The following FBXW4 variants were observed in gnomAD, a reference collection of about 807,000 sequenced individuals.
The protein encoded by FBXW4 is F-box and WD repeat domain containing 4.
Under a neutral mutation model 61.8 loss-of-function variants are expected in FBXW4, and 40 were observed. That is an observed-to-expected ratio of 0.65 (90% CI 0.50 to 0.84). The LOEUF is 0.84. Among genes scored for constraint, FBXW4 ranks in the 40% least tolerant of loss-of-function variants. The pLI, the probability that FBXW4 is intolerant of heterozygous loss-of-function variation, is 0.00. For missense variants in FBXW4, 672 were observed against 753.8 expected, an observed-to-expected ratio of 0.89 and a Z score of 1.27; for synonymous variants, 311 against 313.8, an observed-to-expected ratio of 0.99 and a Z score of 0.10.
chr10:101,673,822 C>T (rs2064382268), intron 2 of FBXW4, 149 bp from the exon 3 acceptor site: 1 of 719,084 alleles, frequency 1.4e-6, no homozygotes, highest in African/African-American at 1.8e-5. Context: ...TTCAAAATTA[C>T]CTGCCCATCA....
At chr10:101,673,263 G>A (rs12357137) in intron 3 of FBXW4, among the ~76,000 whole-genome samples, 1 of 152,134 alleles carries the variant, frequency 6.6e-6, no homozygotes, top group Non-Finnish European at 1.5e-5. Context: ...TTTTCCCCTG[G>A]AGAATATCAA....
At chr10:101,644,031 T>C (rs1038934512) in intron 5 of FBXW4, among the ~76,000 whole-genome samples, 1 of 152,172 alleles carries the variant, frequency 6.6e-6, no homozygotes. Context: ...ATTCCCCCCA[T>C]CCCACATTCG....
chr10:101,644,794 C>A (rs1220120817), intron 5 of FBXW4, among the ~76,000 whole-genome samples: 2 of 152,188 alleles, frequency 1.3e-5, no homozygotes, highest in Non-Finnish European at 2.9e-5. Context: ...AGCTGAGCTG[C>A]CCATAGCACA....
intron 6 of FBXW4, among the ~76,000 whole-genome samples, chr10:101,618,389 G>A (rs1337176500): frequency 6.6e-6 from 1 of 152,176 alleles, no homozygotes; most frequent in Non-Finnish European, 1.5e-5. Context: ...GAGCGAGCAG[G>A]GTTTCATTAG....
intron 5 of FBXW4, among the ~76,000 whole-genome samples, chr10:101,633,397 T>C (rs1346978093): frequency 1.3e-5 from 2 of 151,986 alleles, no homozygotes; most frequent in African/African-American, 4.8e-5. Flanking sequence ...AGCTGAACAA[T>C]GAGAACACAT....
At position 101,694,501 on chromosome 10, in the gene FBXW4, G is replaced by T; in HGVS notation, c.605C>A (p.Ala202Asp). 6.6e-7 allele frequency: 1 copy of T among 1,521,582 alleles called. No homozygotes were observed. The highest frequency in any genetic ancestry group is 8.7e-7 in the Non-Finnish European group (1 of 1,144,860). 94.3% of individuals were successfully genotyped at this position (1,521,582 alleles called of 1,614,324 possible). A position where few individuals can be genotyped will look rare whatever the true frequency, so the allele number is the denominator to read the frequency against. Residue 202 changes from alanine to aspartate, a missense_variant, in exon 1 of 9, where the codon GCC becomes GAC. Around this residue, in one of 5 missense-constraint regions of FBXW4, gnomAD observed 311 missense variants for 301.1 expected, o/e 1.03. Transcript: ENST00000331272. The surrounding 1 kb of genome is among the most constrained non-coding windows in gnomAD (Gnocchi z 6.0). The part of the protein sequence containing the change: ...LLICSYLDMR[A>D]LGRLAQVCRW... ...GCACACCTGGGCCAGGCGGCCGAGG[G>T]CCCGCATGTCCAGGTAGGAGCAGAT...
upstream of FBXW4, chr10:101,695,204 G>A (rs1469415553): frequency 2.0e-6 from 2 of 985,114 alleles, no homozygotes; most frequent in Non-Finnish European, 1.2e-6. This position sits in a 1 kb window ranked among gnomAD's most constrained non-coding sequence, Gnocchi z 4.2. Flanking sequence ...GTCACATGGG[G>A]CGGCGCGGGC....
At chr10:101,651,178 C>G (rs1338016676) in intron 5 of FBXW4, among the ~76,000 whole-genome samples, 1 of 152,166 alleles carries the variant, frequency 6.6e-6, no homozygotes, top group African/African-American at 2.4e-5. Context: ...GCACATGCCA[C>G]CTGGTCCTTC....
intron 1 of FBXW4, 137 bp from the exon 2 acceptor site, chr10:101,676,573 T>G (rs1264342167): frequency 1.6e-6 from 1 of 619,760 alleles, no homozygotes; most frequent in Non-Finnish European, 2.8e-6. Context: ...AAGGAGTAAC[T>G]GTTCTCTCTC....
At chr10:101,622,628 T>C (rs1388289860) in intron 6 of FBXW4, among the ~76,000 whole-genome samples, 1 of 147,854 alleles carries the variant, frequency 6.8e-6, no homozygotes, top group Non-Finnish European at 1.5e-5. Flanking sequence ...CTTGGGAGTC[T>C]GAGGCAGGAG....
At chr10:101,631,797 T>G (rs2063960162) in intron 5 of FBXW4, among the ~76,000 whole-genome samples, 1 of 152,058 alleles carries the variant, frequency 6.6e-6, no homozygotes, top group South Asian at 2.1e-4. Context: ...CTGGCTAATT[T>G]TTTGTATTTT....
At chr10:101,655,602 G>A (rs890175115) in intron 5 of FBXW4, among the ~76,000 whole-genome samples, 1 of 152,170 alleles carries the variant, frequency 6.6e-6, no homozygotes, top group African/African-American at 2.4e-5. Context: ...TCACTCACTT[G>A]TTCTCTTCTC....
intron 3 of FBXW4, 106 bp downstream of exon 3, chr10:101,673,382 C>T: frequency 7.8e-7 from 1 of 1,285,868 alleles, no homozygotes; most frequent in Non-Finnish European, 1.1e-6. Flanking sequence ...CCCTTCTGGT[C>T]TCCCTCCTCA....
chr10:101,677,436 G>A (rs1289032101), intron 1 of FBXW4, among the ~76,000 whole-genome samples: 1 of 152,130 alleles, frequency 6.6e-6, no homozygotes, highest in Non-Finnish European at 1.5e-5. Context: ...AAATCGTAGT[G>A]TATGATTTCA....
chr10:101,618,246 G>A (rs1250865669), intron 6 of FBXW4, among the ~76,000 whole-genome samples: 4 of 152,246 alleles, frequency 2.6e-5, no homozygotes, highest in African/African-American at 9.6e-5. Flanking sequence ...AGTTCTACCA[G>A]GCCACAGCCA....
At chr10:101,632,182 C>T (rs541189221) in intron 5 of FBXW4, among the ~76,000 whole-genome samples, 1 of 152,046 alleles carries the variant, frequency 6.6e-6, no homozygotes, top group African/African-American at 2.4e-5. Context: ...TGGGACACCT[C>T]TCCCAGTACA....
intron 1 of FBXW4, among the ~76,000 whole-genome samples, chr10:101,693,819 C>T (rs948011860): frequency 6.6e-6 from 1 of 152,190 alleles, no homozygotes; most frequent in Admixed American, 6.5e-5. Flanking sequence ...CAAGCAGGCC[C>T]CCTTTTTCGT....
chr10:101,638,858 C>T (rs1008135854), intron 5 of FBXW4, among the ~76,000 whole-genome samples: 7 of 152,148 alleles, frequency 4.6e-5, no homozygotes, highest in African/African-American at 1.7e-4. Flanking sequence ...TCCAGTTTTC[C>T]GGCAGCTCTG....
intron 5 of FBXW4, among the ~76,000 whole-genome samples, chr10:101,648,047 C>G (rs919497924): frequency 3.9e-4 from 59 of 152,204 alleles, no homozygotes; most frequent in African/African-American, 1.4e-3. Context: ...GTCACCCAAT[C>G]ATCAGGGAGG....
Sources: gnomAD v4.1 joint callset for allele counts (sites outside exome capture counted in the v4.1 genomes callset) on GRCh38, gnomAD v4.1.1 for gene constraint, gnomAD v4.1.1 regional missense constraint, Gnocchi (gnomAD v3.1) non-coding constraint, MANE v1.5 for transcripts, NCBI Gene and HGNC (gene_info 2026-07-23, HGNC 2026-07-21) for gene names.